The following PROM1 variants were observed in gnomAD, a reference collection of about 807,000 sequenced individuals.
The protein encoded by PROM1 is prominin-1.
A neutral mutation model predicts 116.9 loss-of-function variants in PROM1; 105 were observed. The ratio of observed to expected loss-of-function variants is 0.90; its 90% CI spans 0.77 to 1.06. The LOEUF is 1.06. PROM1 is among the 50% of genes least tolerant of loss of function. The pLI, the probability that PROM1 is intolerant of heterozygous loss-of-function variation, is 0.00. For missense variants in PROM1, 1,122 were observed against 1,045.2 expected, an observed-to-expected ratio of 1.07 and a Z score of -1.01; for synonymous variants, 393 against 387.0, an observed-to-expected ratio of 1.02 and a Z score of -0.18.
chr4:16,048,978 C>G (rs1297096704), intron 2 of PROM1, among the ~76,000 whole-genome samples: 1 of 152,144 alleles, frequency 6.6e-6, no homozygotes, highest in African/African-American at 2.4e-5. Context: ...TCTCCTGGAG[C>G]CTGATATCCT....
At chr4:16,026,834 T>C (rs894317461) in intron 5 of PROM1, among the ~76,000 whole-genome samples, 6 of 152,196 alleles carry the variant, frequency 3.9e-5, no homozygotes, top group African/African-American at 1.4e-4. Context: ...GTCAACAAGT[T>C]GCAGTGTACT....
At chr4:16,081,276 A>G (rs1744996026) in intron 1 of PROM1, among the ~76,000 whole-genome samples, 1 of 151,886 alleles carries the variant, frequency 6.6e-6, no homozygotes, top group African/African-American at 2.4e-5. Context: ...AAGTGTTTTC[A>G]TTGTTCAATT....
At chr4:15,970,434 T>C (rs1466741711) in intron 27 of PROM1, among the ~76,000 whole-genome samples, 1 of 151,938 alleles carries the variant, frequency 6.6e-6, no homozygotes, top group Non-Finnish European at 1.5e-5. Flanking sequence ...CGGCCTCCCA[T>C]AGTGCTGGGA....
intron 13 of PROM1, among the ~76,000 whole-genome samples, chr4:16,004,498 CA>C (rs1303485909): frequency 6.6e-6 from 1 of 151,996 alleles, no homozygotes; most frequent in African/African-American, 2.4e-5. Flanking sequence ...TTTTTCAGAG[CA>C]ATTTACCCTA....
chr4:16,054,426 A>G (rs938547950), intron 2 of PROM1, among the ~76,000 whole-genome samples: 1 of 152,202 alleles, frequency 6.6e-6, no homozygotes. Context: ...CCTGGTTTAC[A>G]TCTGCTGTTC....
intron 17 of PROM1, among the ~76,000 whole-genome samples, chr4:15,991,768 A>C (rs144049487): frequency 0.014 from 2,173 of 151,780 alleles, 25 homozygotes; most frequent in Middle Eastern, 0.037. Context: ...CCCCGTCTCT[A>C]CTAAAAATAC....
chr4:16,033,274 C>A (rs375570206), intron 5 of PROM1, 30 bp downstream of exon 5: 23 of 1,560,334 alleles, frequency 1.5e-5, no homozygotes, highest in Non-Finnish European at 1.9e-5. Flanking sequence ...GCCTAAAACA[C>A]AATCAGTTGT....
intron 2 of PROM1, among the ~76,000 whole-genome samples, chr4:16,046,657 A>G (rs1466188856): frequency 2.0e-5 from 3 of 152,328 alleles, no homozygotes; most frequent in South Asian, 4.1e-4. Flanking sequence ...ATTTTAACTT[A>G]TTTAAGACAT....
At chr4:16,035,047 T>C (rs1733653819) in intron 4 of PROM1, among the ~76,000 whole-genome samples, 1 of 152,214 alleles carries the variant, frequency 6.6e-6, no homozygotes, top group African/African-American at 2.4e-5. Context: ...TACTTCCATA[T>C]TAAGATTAAA....
intron 2 of PROM1, among the ~76,000 whole-genome samples, chr4:16,072,443 C>A (rs1327868200): frequency 6.6e-6 from 1 of 152,166 alleles, no homozygotes; most frequent in Non-Finnish European, 1.5e-5. Flanking sequence ...CTTGAAATCA[C>A]CTTTGCAAAA....
At chr4:16,065,753 T>C (rs1256025181) in intron 2 of PROM1, among the ~76,000 whole-genome samples, 2 of 152,194 alleles carry the variant, frequency 1.3e-5, no homozygotes, top group African/African-American at 2.4e-5. Flanking sequence ...AGCACAAAGT[T>C]ACTTGAAAAA....
chr4:16,049,482 T>C (rs555576419), intron 2 of PROM1, among the ~76,000 whole-genome samples: 1 of 152,280 alleles, frequency 6.6e-6, no homozygotes, highest in East Asian at 1.9e-4. Flanking sequence ...AATAATTTTA[T>C]TAATCTGGTA....
chr4:16,080,781 C>T (rs1187375875), intron 1 of PROM1: 1 of 152,208 alleles, frequency 6.6e-6, no homozygotes, highest in Admixed American at 6.5e-5. Context: ...GGAGCTGAGC[C>T]ATGCTGGGCC....
intron 5 of PROM1, among the ~76,000 whole-genome samples, chr4:16,028,485 T>C (rs939337598): frequency 6.6e-6 from 1 of 152,120 alleles, no homozygotes; most frequent in African/African-American, 2.4e-5. Flanking sequence ...TATTAGCAAC[T>C]AACAAAAAAA....
chr4:16,019,626 C>G (rs1367800906), intron 8 of PROM1, among the ~76,000 whole-genome samples: 1 of 152,192 alleles, frequency 6.6e-6, no homozygotes, highest in Non-Finnish European at 1.5e-5. Context: ...GGAATTACAA[C>G]TTTTTTTCTA....
intron 2 of PROM1, among the ~76,000 whole-genome samples, chr4:16,050,500 T>C (rs1737615562): frequency 6.6e-6 from 1 of 152,136 alleles, no homozygotes; most frequent in Non-Finnish European, 1.5e-5. Flanking sequence ...ACTACCGTCA[T>C]GTGCCACCAC....
chr4:16,025,268 G>T lies in PROM1; in HGVS notation c.554C>A (p.Thr185Asn). 6.2e-7 allele frequency: 1 copy of T among 1,613,924 alleles called. No homozygotes were observed. Among genetic ancestry groups the T allele is most frequent in the Non-Finnish European group, 8.5e-7 (1 of 1,179,784 alleles). Residue 185 changes from threonine to asparagine, a missense_variant, in exon 6 of 28, where the codon ACC becomes AAC. Transcript: ENST00000447510. The part of the protein sequence containing the change: ...YGFVANHQVR[T>N]RIKRSRKLAD... Reference sequence around the variant, plus strand: ...CAGTTTCCGACTCCTTTTGATCCGGGTTCTTACCTGGTGATTTGCCACAAA... The same window carrying T: ...CAGTTTCCGACTCCTTTTGATCCGGTTTCTTACCTGGTGATTTGCCACAAA...
At position 16,045,096 on chromosome 4, in the gene PROM1, C is replaced by G. The variant is rs535211164; in HGVS notation, c.221-6095G>C. 3.3e-5 allele frequency among the ~76,000 whole-genome samples: 5 copies of G among 151,272 alleles called. No homozygotes were observed. The East Asian group carries it at 9.6e-4, about 29-fold the overall frequency. On this transcript the variant is annotated intron_variant, in intron 2 of 27. Transcript: ENST00000447510. ...CCTTCAACACTCCACTCTTCCCTGC[C>G]GGCCCTCAGCAAGTGGCACAGAATG...
rs568712090 is a variant in PROM1 at position 16,077,111 on chromosome 4, A to G, written c.-212-993T>C. ...AGGGTCTGTGCTGAGGAGCATTAGT[A>G]TAAGAGGAAGGCATGCCTCTTGCAG... On this transcript the variant is annotated intron_variant, in intron 1 of 27. Transcript: ENST00000447510. Among the ~76,000 whole-genome samples, 223 of 152,326 alleles carry G rather than the reference A, an allele frequency of 1.5e-3. 2 individuals carry two copies. The highest frequency in any genetic ancestry group is 4.0e-3 in the Admixed American group (61 of 15,304).
Sources: gnomAD v4.1 joint callset for allele counts (sites outside exome capture counted in the v4.1 genomes callset) on GRCh38, gnomAD v4.1.1 for gene constraint, MANE v1.5 for transcripts, NCBI Gene and HGNC (gene_info 2026-07-23, HGNC 2026-07-21) for gene names.